Variants in STK40 observed in about 807,000 individuals in gnomAD.
The protein encoded by STK40 is serine/threonine kinase 40, also known as serine/threonine-protein kinase 40.
A neutral mutation model predicts 47.9 loss-of-function variants in STK40; 13 were observed. The ratio of observed to expected loss-of-function variants is 0.27; its 90% confidence interval spans 0.18 to 0.43. The LOEUF (loss-of-function observed/expected upper bound fraction) is 0.43. Ranked by LOEUF, STK40 falls within the 20% of genes least tolerant of loss-of-function variation. The probability of loss-of-function intolerance (pLI) is 1.00; values close to 1 mark genes in which losing one functional copy is unlikely to be tolerated. For synonymous variants in STK40, 225 were observed against 243.2 expected (o/e 0.93, Z 0.69); for missense variants, 460 against 595.1 (o/e 0.77, Z 2.36).
intron 2 of STK40, among the ~76,000 whole-genome samples, chr1:36,359,517 T>A (rs1397704026): frequency 6.6e-6 from 1 of 152,226 alleles, no homozygotes; most frequent in African/African-American, 2.4e-5. Flanking sequence ...GATACAGCCA[T>A]CTGGCCCCTG....
chr1:36,359,182 G>A (rs181172186), intron 2 of STK40, among the ~76,000 whole-genome samples: 83 of 152,314 alleles, frequency 5.4e-4, no homozygotes, highest in Middle Eastern at 6.8e-3. Flanking sequence ...TGAGGTGGGA[G>A]GACTGCTTGA....
chr1:36,341,807 G>C lies in STK40; in HGVS notation c.1256C>G (p.Pro419Arg). ...PVRRLGHDAQ[P>R]MTSLDTAILA... The stretch of plus-strand genomic sequence containing the variant: ...GATGGCCGTGTCCAAGGAGGTCATG[G>C]GCTGTGCGTCGTGGCCCAGCCGTCG... Residue 419 changes from proline (P) to arginine (R), a missense_variant, in exon 11 of 11, where the codon CCC becomes CGC. Around this residue, in one of 3 missense-constraint regions of STK40, gnomAD observed 181 missense variants for 218.9 expected, o/e 0.83. Transcript: ENST00000373132. The C allele has an allele frequency of 6.2e-7, 1 of 1,613,132 alleles. No homozygotes were observed. The highest frequency in any genetic ancestry group is 1.1e-5 in the South Asian group (1 of 91,018).
At chr1:36,354,837 C>G (rs1037938566) in intron 5 of STK40, among the ~76,000 whole-genome samples, 2 of 152,182 alleles carry the variant, frequency 1.3e-5, no homozygotes, top group Non-Finnish European at 2.9e-5. Context: ...CTCTCCTATC[C>G]TTTGTCCCAG....
chr1:36,368,005 G>T (rs1209135974), intron 1 of STK40: 2 of 402,278 alleles, frequency 5.0e-6, no homozygotes, highest in African/African-American at 4.3e-5. Context: ...CTTGGAGCAG[G>T]ATTGCGGGAG....
intron 1 of STK40, among the ~76,000 whole-genome samples, chr1:36,380,326 G>C (rs1056387071): frequency 6.6e-6 from 1 of 152,178 alleles, no homozygotes; most frequent in Non-Finnish European, 1.5e-5. Flanking sequence ...CCTGTTTGAA[G>C]GCCCGCCCAC....
chr1:36,380,849 G>A (rs1261279363), intron 1 of STK40, among the ~76,000 whole-genome samples: 1 of 152,216 alleles, frequency 6.6e-6, no homozygotes, highest in African/African-American at 2.4e-5. Context: ...AGTCCAGACA[G>A]GGGTCTACAA....
At chr1:36,359,073 C>G (rs1646830056) in intron 2 of STK40, among the ~76,000 whole-genome samples, 1 of 152,120 alleles carries the variant, frequency 6.6e-6, no homozygotes, top group African/African-American at 2.4e-5. Flanking sequence ...GTTTTCAACC[C>G]TGGGTGCACG....
intron 1 of STK40, among the ~76,000 whole-genome samples, chr1:36,369,053 G>A (rs1646923949): frequency 1.3e-5 from 2 of 152,222 alleles, no homozygotes; most frequent in African/African-American, 2.4e-5. Flanking sequence ...AGCCCACAGT[G>A]GCAGAACTTG....
chr1:36,385,005 C>G (rs537329630), intron 1 of STK40, among the ~76,000 whole-genome samples: 372 of 152,340 alleles, frequency 2.4e-3, no homozygotes, highest in South Asian at 5.8e-3. Flanking sequence ...GCTGTCATCT[C>G]TTCCTTCCGC....
intron 6 of STK40, among the ~76,000 whole-genome samples, chr1:36,352,131 CCT>C (rs1646764198): frequency 6.6e-6 from 1 of 152,210 alleles, no homozygotes; most frequent in East Asian, 1.9e-4. Context: ...CCCACCACCT[CCT>C]CTCATGATGC....
chr1:36,361,025 G>A (rs982237003), intron 2 of STK40, among the ~76,000 whole-genome samples, 196 bp downstream of exon 2: 2 of 152,170 alleles, frequency 1.3e-5, no homozygotes, highest in Non-Finnish European at 2.9e-5. Flanking sequence ...GTGACCCAAG[G>A]CTTGGGTCTT....
intron 1 of STK40, among the ~76,000 whole-genome samples, chr1:36,382,681 T>C (rs1328563235): frequency 6.6e-6 from 1 of 152,192 alleles, no homozygotes; most frequent in Admixed American, 6.5e-5. Flanking sequence ...GACAGCTCAA[T>C]GGGACATAGT....
intron 1 of STK40, among the ~76,000 whole-genome samples, chr1:36,379,855 C>A (rs940454304): frequency 6.6e-6 from 1 of 152,162 alleles, no homozygotes; most frequent in African/African-American, 2.4e-5. Context: ...TTTGAGGCAG[C>A]AATTCACTTC....
intron 6 of STK40, among the ~76,000 whole-genome samples, chr1:36,350,125 A>G (rs1250543532): frequency 6.6e-6 from 1 of 152,210 alleles, no homozygotes; most frequent in Non-Finnish European, 1.5e-5. Context: ...TTCCCCACGG[A>G]AACGCCAACT....
In STK40 at chr1:36,363,098, T is replaced by C. The variant is rs1646867682; in HGVS notation, c.-8-1758A>G. Reference sequence around the variant, plus strand: ...TGAACCCAGGACACGGAGTCTACAGTGAGCTGAGATCACGCCACTGCACTT... The same window carrying C: ...TGAACCCAGGACACGGAGTCTACAGCGAGCTGAGATCACGCCACTGCACTT... On this transcript the variant is annotated intron_variant, in intron 1 of 10. Transcript: ENST00000373132. Among the ~76,000 whole-genome samples the C allele has an allele frequency of 3.3e-5, 5 of 151,820 alleles. No homozygotes were observed. In the South Asian group the frequency reaches 1.0e-3, roughly 32 times the overall value.
At chr1:36,372,144 T>C (rs973089485) in intron 1 of STK40, among the ~76,000 whole-genome samples, 2 of 152,058 alleles carry the variant, frequency 1.3e-5, no homozygotes, top group East Asian at 3.9e-4. Flanking sequence ...TAATGATAAC[T>C]GATCACCTCC....
intron 2 of STK40, 81 bp from the exon 3 acceptor site, chr1:36,358,903 G>T: frequency 6.6e-7 from 1 of 1,508,950 alleles, no homozygotes; most frequent in South Asian, 1.1e-5. Flanking sequence ...TCTTTTACTA[G>T]ACCTTCTATT....
At chr1:36,366,323 G>A (rs1646901580) in intron 1 of STK40, among the ~76,000 whole-genome samples, 1 of 152,188 alleles carries the variant, frequency 6.6e-6, no homozygotes, top group Non-Finnish European at 1.5e-5. Context: ...GACACAGGCC[G>A]ACAGAAGGAT....
chr1:36,378,295 G>T (rs1205554254), intron 1 of STK40, among the ~76,000 whole-genome samples: 1 of 152,168 alleles, frequency 6.6e-6, no homozygotes, highest in Admixed American at 6.5e-5. Context: ...TCACACAAAT[G>T]TGAGTTGGAA....
Sources: gnomAD v4.1 joint callset for allele counts (sites outside exome capture counted in the v4.1 genomes callset) on GRCh38, gnomAD v4.1.1 for gene constraint, gnomAD v4.1.1 regional missense constraint, MANE v1.5 for transcripts, NCBI Gene and HGNC (gene_info 2026-07-23, HGNC 2026-07-21) for gene names.